The following EXOC4 variants were observed in gnomAD, a reference collection of about 807,000 sequenced individuals.
EXOC4 encodes SEC8-like 1.
EXOC4 carries 71 observed loss-of-function variants against 107.2 expected under a neutral mutation model. The observed-to-expected ratio is 0.66, with a 90% CI of 0.55 to 0.81. The LOEUF (loss-of-function observed/expected upper bound fraction) is 0.81. Ranked by LOEUF, EXOC4 falls within the 30% of genes least tolerant of loss-of-function variation. EXOC4 has a pLI of 0.00. For synonymous variants in EXOC4, 456 were observed against 441.2 expected (o/e 1.03, Z -0.42); for missense variants, 1,108 against 1,189.6 (o/e 0.93, Z 1.01).
intron 11 of EXOC4, among the ~76,000 whole-genome samples, chr7:133,854,054 A>G (rs900913879): frequency 1.3e-5 from 2 of 152,136 alleles, no homozygotes; most frequent in African/African-American, 4.8e-5. Flanking sequence ...AGAGGAAACA[A>G]CCTCAACCAG....
chr7:133,766,588 A>G (rs545496367), intron 10 of EXOC4, among the ~76,000 whole-genome samples: 1 of 152,086 alleles, frequency 6.6e-6, no homozygotes, highest in African/African-American at 2.4e-5. Context: ...ACATGGCCAA[A>G]CCACCAGCTG....
At chr7:133,537,394 A>G (rs902363405) in intron 9 of EXOC4, among the ~76,000 whole-genome samples, 1 of 151,316 alleles carries the variant, frequency 6.6e-6, no homozygotes, top group Non-Finnish European at 1.5e-5. Context: ...CCTGACCTCA[A>G]GTCATCTGCC....
chr7:133,922,809 A>G (rs922823079), intron 13 of EXOC4, among the ~76,000 whole-genome samples: 1 of 151,866 alleles, frequency 6.6e-6, no homozygotes, highest in South Asian at 2.1e-4. Flanking sequence ...AGATTGCACC[A>G]CTGCACTCAA....
chr7:133,440,363 C>T (rs1367735049), intron 7 of EXOC4, among the ~76,000 whole-genome samples: 3 of 152,084 alleles, frequency 2.0e-5, no homozygotes, highest in Admixed American at 6.6e-5. Context: ...CCCCCACCCC[C>T]CCATTACCTA....
chr7:134,056,207 C>G (rs1309449987), intron 17 of EXOC4, among the ~76,000 whole-genome samples: 1 of 152,128 alleles, frequency 6.6e-6, no homozygotes, highest in East Asian at 1.9e-4. Context: ...CAGAAAGACT[C>G]TCTAAAGTGA....
intron 10 of EXOC4, among the ~76,000 whole-genome samples, chr7:133,715,564 A>G (rs913164550): frequency 6.6e-6 from 1 of 152,094 alleles, no homozygotes; most frequent in Admixed American, 6.6e-5. Context: ...AAGTTATAGT[A>G]ATTCAGTCAT....
In EXOC4 at chr7:133,623,455, G is replaced by A. The variant is rs188889555; in HGVS notation, c.1418-6590G>A. Among the ~76,000 whole-genome samples the A allele has an allele frequency of 2.4e-4, 37 of 152,146 alleles. 1 individual carries two copies. The highest frequency in any genetic ancestry group is 7.9e-4 in the African/African-American group (33 of 41,522). On this transcript the variant is annotated intron_variant, in intron 9 of 17. Transcript: ENST00000253861. ...TTGGTCTAAAAAGACATTCTTTCTCGTTTTTTGTTTGTGCATATGTTCATT... is the reference window on the plus strand; with the variant it reads ...TTGGTCTAAAAAGACATTCTTTCTCATTTTTTGTTTGTGCATATGTTCATT...
intron 7 of EXOC4, among the ~76,000 whole-genome samples, chr7:133,411,633 C>A (rs1584895993): frequency 6.6e-6 from 1 of 152,078 alleles, no homozygotes; most frequent in East Asian, 1.9e-4. Context: ...TAGATTTAAT[C>A]TTTTCAGGAC....
intron 7 of EXOC4, among the ~76,000 whole-genome samples, chr7:133,458,940 T>C (rs1407070097): frequency 6.9e-6 from 1 of 144,932 alleles, no homozygotes; most frequent in Non-Finnish European, 1.5e-5. Context: ...TAACCTTTAA[T>C]TGTCACTCCA....
chr7:134,019,326 A>T (rs546963726), intron 17 of EXOC4, among the ~76,000 whole-genome samples: 1 of 145,790 alleles, frequency 6.9e-6, no homozygotes, highest in South Asian at 2.2e-4. Flanking sequence ...ACTTTAAACT[A>T]CTTTCTCTAA....
chr7:133,584,395 G>T (rs1009390519), intron 9 of EXOC4, among the ~76,000 whole-genome samples: 1 of 152,024 alleles, frequency 6.6e-6, no homozygotes, highest in South Asian at 2.1e-4. Flanking sequence ...ACTCAAGATT[G>T]CATCATTCTC....
At chr7:133,557,884 A>G (rs1348988576) in intron 9 of EXOC4, among the ~76,000 whole-genome samples, 6 of 152,134 alleles carry the variant, frequency 3.9e-5, no homozygotes, top group Admixed American at 6.5e-5. Context: ...GCAGCTACTC[A>G]AGAGGCTGAG....
At chr7:133,786,893 G>A (rs1796580705) in intron 10 of EXOC4, among the ~76,000 whole-genome samples, 1 of 152,236 alleles carries the variant, frequency 6.6e-6, no homozygotes. Context: ...GCTATGCTCA[G>A]AGTATTGTGC....
intron 15 of EXOC4, among the ~76,000 whole-genome samples, chr7:134,002,781 A>C (rs747986183): frequency 6.6e-6 from 1 of 152,180 alleles, no homozygotes; most frequent in Non-Finnish European, 1.5e-5. Flanking sequence ...CTCTACATCT[A>C]TTAGGATGAC....
intron 5 of EXOC4, among the ~76,000 whole-genome samples, chr7:133,327,867 A>C (rs1238421933): frequency 6.6e-6 from 1 of 152,130 alleles, no homozygotes; most frequent in Non-Finnish European, 1.5e-5. Flanking sequence ...TTGTGTGGTC[A>C]CTTTTAGAAT....
chr7:134,067,445 A>G (rs1183951063), downstream of EXOC4, among the ~76,000 whole-genome samples: 1 of 151,620 alleles, frequency 6.6e-6, no homozygotes, highest in Non-Finnish European at 1.5e-5. Context: ...ACTGTTATCT[A>G]CTCTCTGGTA....
chr7:133,812,612 TTTTA>T (rs750860452), intron 10 of EXOC4, among the ~76,000 whole-genome samples: 2 of 152,174 alleles, frequency 1.3e-5, no homozygotes, highest in Admixed American at 6.5e-5. Flanking sequence ...CATTTTTCAT[TTTTA>T]TTTATTTTTA....
At position 133,289,260 on chromosome 7, in the gene EXOC4, A is replaced by G. The variant is rs1001031237; in HGVS notation, c.471+144A>G. 7 of 605,310 alleles carry G rather than the reference A, an allele frequency of 1.2e-5. No individual in the cohort carries two copies. In the South Asian group the frequency reaches 1.3e-4, roughly 12 times the overall value. 37.5% of individuals were successfully genotyped at this position (605,310 alleles called of 1,614,324 possible). ...GAGCCCTTGAAGGTGAAGCCTGGGT[A>G]TTTCTCTAATTCCAGTGTTTGAAAT... On this transcript the variant is annotated intron_variant, in intron 3 of 17. Coordinates refer to ENST00000253861, the MANE Select transcript of EXOC4 (RefSeq NM_021807.4).
intron 7 of EXOC4, among the ~76,000 whole-genome samples, chr7:133,400,151 G>T (rs1797058033): frequency 6.6e-6 from 1 of 152,234 alleles, no homozygotes; most frequent in African/African-American, 2.4e-5. Context: ...ACCAGAGATA[G>T]AAATCGCAGA....
Sources: gnomAD v4.1 joint callset for allele counts (sites outside exome capture counted in the v4.1 genomes callset) on GRCh38, gnomAD v4.1.1 for gene constraint, MANE v1.5 for transcripts, NCBI Gene and HGNC (gene_info 2026-07-23, HGNC 2026-07-21) for gene names.